The following HIPK3 variants were observed in gnomAD, a reference collection of about 807,000 sequenced individuals.
HIPK3 encodes the protein homeodomain-interacting protein kinase 3.
HIPK3 carries 47 observed loss-of-function variants against 124.2 expected under a neutral mutation model. That is an observed-to-expected ratio of 0.38 (90% CI 0.30 to 0.48). The LOEUF (loss-of-function observed/expected upper bound fraction) is 0.48, where lower values mean the gene tolerates loss of function less well. Ranked by LOEUF, HIPK3 falls within the 20% of genes least tolerant of loss-of-function variation. HIPK3 has a pLI of 0.98. For missense variants in HIPK3, 1,286 were observed against 1,454.3 expected, an observed-to-expected ratio of 0.88 and a Z score of 1.88; for synonymous variants, 482 against 515.2, an observed-to-expected ratio of 0.94 and a Z score of 0.87.
intron 2 of HIPK3, among the ~76,000 whole-genome samples, chr11:33,316,695 C>T (rs1238722228): frequency 1.3e-5 from 2 of 151,966 alleles, no homozygotes; most frequent in Non-Finnish European, 2.9e-5. Flanking sequence ...TGGTGGTGCA[C>T]GCCTGTAGTC....
At chr11:33,271,831 A>G (rs1851131812) in intron 1 of HIPK3, among the ~76,000 whole-genome samples, 1 of 152,248 alleles carries the variant, frequency 6.6e-6, no homozygotes, top group Admixed American at 6.5e-5. Flanking sequence ...AATTATGAAG[A>G]AAACTATTTT....
rs558440920 is a variant in HIPK3, at chr11:33,291,058, G to C, written c.1097+3547G>C. ...TTAGATCCAAGAGTTAGAAGAGTTAGTAAGTATTCAGGTATATCAGTGAAA... is the reference window on the plus strand; with the variant it reads ...TTAGATCCAAGAGTTAGAAGAGTTACTAAGTATTCAGGTATATCAGTGAAA... On this transcript the variant is annotated intron_variant, in intron 2 of 16. Transcript: ENST00000303296. Among the ~76,000 whole-genome samples, 7 of 152,256 alleles carry C rather than the reference G, an allele frequency of 4.6e-5. No homozygotes were observed. The East Asian group carries it at 1.3e-3, about 29-fold the overall frequency.
At chr11:33,270,855 TATC>T (rs1299342524) in intron 1 of HIPK3, among the ~76,000 whole-genome samples, 1 of 152,196 alleles carries the variant, frequency 6.6e-6, no homozygotes, top group Admixed American at 6.5e-5. Flanking sequence ...TATATCCAGT[TATC>T]ATGTATTTTA....
intron 2 of HIPK3, among the ~76,000 whole-genome samples, chr11:33,291,136 A>C (rs899952467): frequency 2.0e-5 from 3 of 152,164 alleles, no homozygotes; most frequent in Admixed American, 6.5e-5. Context: ...GTAATTTTGC[A>C]TGAAAATGGC....
rs527415195 is a variant in HIPK3 at position 33,355,827 on chromosome 11, A to G, written c.*2259A>G. On this transcript the variant is annotated 3_prime_UTR_variant, in exon 17 of 17. Transcript: ENST00000303296. The stretch of plus-strand genomic sequence containing the variant: ...AATTAATTCTATGCATTTTATACAA[A>G]TAGAAATATATATATATAAAAAATT... The G allele has an allele frequency of 6.6e-6, 1 of 151,738 alleles. No individual in the cohort carries two copies. The highest frequency in any genetic ancestry group is 2.1e-4 in the South Asian group (1 of 4,834). 9.4% of individuals were successfully genotyped at this position (151,738 alleles called of 1,614,324 possible). A position where few individuals can be genotyped will look rare whatever the true frequency, so the allele number is the denominator to read the frequency against.
At chr11:33,280,196 C>T (rs1295498994) in intron 1 of HIPK3, among the ~76,000 whole-genome samples, 1 of 152,142 alleles carries the variant, frequency 6.6e-6, no homozygotes, top group Non-Finnish European at 1.5e-5. Context: ...TTCAAAACAT[C>T]GTTTCTTAGT....
In HIPK3 at chr11:33,353,878, G is replaced by A. The variant is rs957841432; in HGVS notation, c.*310G>A. 3.1e-5 allele frequency: 10 copies of A among 325,304 alleles called. No individual in the cohort carries two copies. The highest frequency in any genetic ancestry group is 2.1e-4 in the African/African-American group (10 of 46,578). 20.2% of individuals were successfully genotyped at this position (325,304 alleles called of 1,614,324 possible). A position where few individuals can be genotyped will look rare whatever the true frequency, so the allele number is the denominator to read the frequency against. ...CTAGTGCAAGACACGTCTACATTTGGGAAGCCATTCTGTGTACAGACTTAG... is the reference window on the plus strand; with the variant it reads ...CTAGTGCAAGACACGTCTACATTTGAGAAGCCATTCTGTGTACAGACTTAG... On this transcript the variant is annotated 3_prime_UTR_variant, in exon 17 of 17. Transcript: ENST00000303296.
In HIPK3 at chr11:33,356,379, C is replaced by G. The variant is rs1245323195; in HGVS notation, c.*2811C>G. 2 of 151,908 alleles carry G rather than the reference C, an allele frequency of 1.3e-5. No individual in the cohort carries two copies. Among genetic ancestry groups the G allele is most frequent in the African/African-American group, 2.4e-5 (1 of 41,484 alleles). The allele number at this position is 151,908 out of a possible 1,614,324, so 9.4% of individuals were successfully genotyped here. On this transcript the variant is annotated 3_prime_UTR_variant, in exon 17 of 17. Coordinates refer to ENST00000303296, the MANE Select transcript of HIPK3 (RefSeq NM_005734.5). ...ATCTGGATTTATACCTTTTAAAAACCATTTTGACCAGTTTTCTTCGGTTTT... is the reference window on the plus strand; with the variant it reads ...ATCTGGATTTATACCTTTTAAAAACGATTTTGACCAGTTTTCTTCGGTTTT...
intron 8 of HIPK3, among the ~76,000 whole-genome samples, chr11:33,346,207 G>A (rs143602610): frequency 6.6e-6 from 1 of 152,224 alleles, no homozygotes; most frequent in African/African-American, 2.4e-5. Context: ...AAGGTGCTTT[G>A]CAGTGAAAAC....
chr11:33,302,054 CT>C (rs1324104164), intron 2 of HIPK3, among the ~76,000 whole-genome samples: 1 of 152,120 alleles, frequency 6.6e-6, no homozygotes, highest in Non-Finnish European at 1.5e-5. Context: ...TTACCATGTA[CT>C]AAATTCTATT....
intron 2 of HIPK3, among the ~76,000 whole-genome samples, chr11:33,318,814 A>G (rs904650256): frequency 6.6e-6 from 1 of 152,270 alleles, no homozygotes; most frequent in African/African-American, 2.4e-5. Context: ...TGTAGAAAAT[A>G]AAATCAGAGG....
At chr11:33,339,598 C>A in intron 6 of HIPK3, 64 bp downstream of exon 6, 1 of 1,167,274 alleles carries the variant, frequency 8.6e-7, no homozygotes, top group Non-Finnish European at 1.2e-6. Context: ...AAAATGACTG[C>A]ATCAGAGAAA....
intron 2 of HIPK3, among the ~76,000 whole-genome samples, chr11:33,307,027 C>T (rs1398498326): frequency 1.3e-5 from 2 of 151,796 alleles, no homozygotes; most frequent in Non-Finnish European, 2.9e-5. Flanking sequence ...CAACCTTGGC[C>T]TTTCCAGTTC....
intron 2 of HIPK3, among the ~76,000 whole-genome samples, chr11:33,302,191 G>T (rs182670488): frequency 6.6e-6 from 1 of 152,096 alleles, no homozygotes; most frequent in Non-Finnish European, 1.5e-5. Context: ...GTAACTTCTA[G>T]GTTCCTTCCT....
At chr11:33,351,865 C>A (rs1853671284) in intron 15 of HIPK3, 22 bp downstream of exon 15, 7 of 1,561,522 alleles carry the variant, frequency 4.5e-6, no homozygotes, top group Non-Finnish European at 6.2e-6. Context: ...CCTCCCATTT[C>A]TCTGGTTGTC....
rs1851578658 is a variant in HIPK3, at chr11:33,287,125, A to G, written c.711A>G (p.Gln237=). 1 of 1,614,224 alleles carries G rather than the reference A, an allele frequency of 6.2e-7. No individual in the cohort carries two copies. The highest frequency in any genetic ancestry group is 8.5e-7 in the Non-Finnish European group (1 of 1,180,022). Residue 237 remains glutamine (Q), a synonymous_variant, in exon 2 of 17, where the codon CAA becomes CAG. Transcript: ENST00000303296. ...AGAATCATCCTTCTTATGCCCGTCA[A>G]GGTCAAATAGAAGTGAGCATATTAG... ...ILKNHPSYAR[Q]GQIEVSILAR...
At chr11:33,310,261 TGTCTGTC>T (rs1393854599) in intron 2 of HIPK3, among the ~76,000 whole-genome samples, 10 of 108,178 alleles carry the variant, frequency 9.2e-5, no homozygotes, top group South Asian at 6.3e-4. Context: ...TCTGTCTGTC[TGTCTGTC>T]TGTCTGTCTA....
Position 33,311,732 on chromosome 11 carries a change from A to G in HIPK3, c.1098-16778A>G, listed in dbSNP as rs118136313. Among the ~76,000 whole-genome samples the G allele has an allele frequency of 5.3e-4, 81 of 151,974 alleles. 1 individual carries two copies. The highest frequency in any genetic ancestry group is 3.4e-3 in the Middle Eastern group (1 of 294). On this transcript the variant is annotated intron_variant, in intron 2 of 16. Coordinates refer to ENST00000303296, the MANE Select transcript of HIPK3 (RefSeq NM_005734.5). ...TTTAAAGAGTTGAAGTCTTGGCCAT[A>G]TGCAGTGGCATATACCTGTAATCCC... is the stretch of plus-strand genomic sequence containing the variant.
intron 8 of HIPK3, among the ~76,000 whole-genome samples, chr11:33,342,923 C>A (rs1327316071): frequency 6.6e-6 from 1 of 152,160 alleles, no homozygotes; most frequent in Non-Finnish European, 1.5e-5. Flanking sequence ...ACTGGAATAA[C>A]TGGACTAAAA....
Sources: allele counts gnomAD v4.1 joint callset (sites outside exome capture counted in the v4.1 genomes callset), GRCh38; gene constraint gnomAD v4.1.1; transcripts MANE v1.5; gene names NCBI Gene and HGNC (gene_info 2026-07-23, HGNC 2026-07-21).